Variants in MLPH observed in about 807,000 individuals in gnomAD.
MLPH encodes melanophilin, also known as exophilin-3.
MLPH carries 51 observed loss-of-function variants against 72.1 expected under a neutral mutation model. The ratio of observed to expected loss-of-function variants is 0.71; its 90% CI spans 0.56 to 0.89. MLPH has a LOEUF of 0.89. Ranked by LOEUF, MLPH falls within the 40% of genes least tolerant of loss-of-function variation. The probability of loss-of-function intolerance (pLI) is 0.00; values close to 1 mark genes in which losing one functional copy is unlikely to be tolerated. For missense variants in MLPH, 743 were observed against 759.9 expected, an observed-to-expected ratio of 0.98 and a Z score of 0.26; for synonymous variants, 301 against 310.1, an observed-to-expected ratio of 0.97 and a Z score of 0.31.
intron 9 of MLPH, among the ~76,000 whole-genome samples, chr2:237,535,990 A>T (rs1052781430): frequency 5.3e-5 from 8 of 152,248 alleles, no homozygotes; most frequent in Non-Finnish European, 1.2e-4. Context: ...CTCAGGCCAC[A>T]TAGCCACATT....
chr2:237,534,708 G>A (rs761130492), intron 9 of MLPH, 61 bp downstream of exon 9: 67 of 1,322,746 alleles, frequency 5.1e-5, no homozygotes, highest in Non-Finnish European at 7.2e-5. Context: ...AAAGGAGGCT[G>A]AAGTGTGACA....
Position 237,546,692 on chromosome 2 carries a change from T to C in MLPH, c.1617+9T>C. 7 of 1,612,596 alleles carry C rather than the reference T, an allele frequency of 4.3e-6. No homozygotes were observed. The highest frequency in any genetic ancestry group is 5.9e-6 in the Non-Finnish European group (7 of 1,178,630). Reference sequence around the variant, plus strand: ...CTTCAAGTGAGGCCAAGGTATGTGTTACTCCATTCAAGCCCCAGACACCCG... The same window carrying C: ...CTTCAAGTGAGGCCAAGGTATGTGTCACTCCATTCAAGCCCCAGACACCCG... On this transcript the variant is annotated intron_variant, in intron 13 of 15. Transcript: ENST00000264605.
chr2:237,519,305 G>C (rs187119214), intron 5 of MLPH, among the ~76,000 whole-genome samples: 17 of 152,152 alleles, frequency 1.1e-4, no homozygotes, highest in Admixed American at 4.6e-4. Flanking sequence ...AACTCTTTGC[G>C]GCTGCTGTGA....
At chr2:237,497,125 A>C (rs181554326) in intron 2 of MLPH, among the ~76,000 whole-genome samples, 1 of 152,340 alleles carries the variant, frequency 6.6e-6, no homozygotes, top group African/African-American at 2.4e-5. Flanking sequence ...TCGCAAGCAC[A>C]GTTCACAACA....
At chr2:237,525,944 C>A (rs1242657919) in intron 7 of MLPH, 139 bp downstream of exon 7, 1 of 865,784 alleles carries the variant, frequency 1.2e-6, no homozygotes, top group Non-Finnish European at 1.8e-6. Flanking sequence ...TTGTCCGGGA[C>A]GTGCAGTCCC....
intron 4 of MLPH, among the ~76,000 whole-genome samples, chr2:237,513,832 T>C (rs564833011): frequency 6.6e-6 from 1 of 152,310 alleles, no homozygotes; most frequent in South Asian, 2.1e-4. Flanking sequence ...AGGCACTCAC[T>C]GTCCAGAGAG....
rs139706602 is a variant in MLPH, at chr2:237,524,302, A to AATATATATATATATATATATATAT, written c.676-1280_676-1279insTATATATATATATATATATATATA. 2.7e-3 allele frequency among the ~76,000 whole-genome samples: 346 copies of AATATATATATATATATATATATAT among 127,154 alleles called. 12 individuals are homozygous for AATATATATATATATATATATATAT. Among genetic ancestry groups the AATATATATATATATATATATATAT allele is most frequent in the African/African-American group, 0.012 (299 of 24,156 alleles). 83.4% of individuals were successfully genotyped at this position (127,154 alleles called of 152,430 possible). A position where few individuals can be genotyped will look rare whatever the true frequency, so the allele number is the denominator to read the frequency against. ...TTTCTTAGAGGGACAGAACTAATAG[A>AATATATATATATATATATATATAT]ATATATATATATATATATAAAGGGG... On this transcript the variant is annotated intron_variant, in intron 6 of 15. Coordinates refer to ENST00000264605, the MANE Select transcript of MLPH (RefSeq NM_024101.7).
intron 4 of MLPH, among the ~76,000 whole-genome samples, chr2:237,514,291 T>C (rs2079968577): frequency 1.3e-5 from 2 of 151,918 alleles, no homozygotes; most frequent in South Asian, 4.2e-4. Context: ...TAGAGATGGG[T>C]TCTCACTATG....
At chr2:237,488,525 C>G (rs1056476442) in intron 1 of MLPH, among the ~76,000 whole-genome samples, 1 of 152,192 alleles carries the variant, frequency 6.6e-6, no homozygotes, top group East Asian at 1.9e-4. Context: ...GGCCCAGCCC[C>G]CTCCCTGCCC....
intron 13 of MLPH, among the ~76,000 whole-genome samples, chr2:237,546,997 T>C (rs11885689): frequency 0.022 from 3,287 of 152,310 alleles, 121 homozygotes; most frequent in African/African-American, 0.074. Flanking sequence ...ACAGGCTGAC[T>C]GTGGCTCAGT....
chr2:237,545,877 C>T (rs72988146), intron 12 of MLPH: 26,637 of 194,650 alleles, frequency 0.14, 2,590 homozygotes, highest in African/African-American at 0.3. Flanking sequence ...AATTAGCTGT[C>T]GATCTTGTGA....
rs543885110 is a variant in MLPH at position 237,524,051 on chromosome 2, G to A, written c.676-1550G>A. On this transcript the variant is annotated intron_variant, in intron 6 of 15. Coordinates refer to ENST00000264605, the MANE Select transcript of MLPH (RefSeq NM_024101.7). ...GATCTCTAAGTCGAACAGGAGGAAC[G>A]TGATGGCTACTAGGTAGAATTTTAT... Among the ~76,000 whole-genome samples, 14 of 152,194 alleles carry A rather than the reference G, an allele frequency of 9.2e-5. No homozygotes were observed. In the South Asian group the frequency reaches 1.7e-3, roughly 18 times the overall value.
At chr2:237,540,696 G>C in intron 10 of MLPH, 106 bp from the exon 11 acceptor site, 1 of 1,535,162 alleles carries the variant, frequency 6.5e-7, no homozygotes, top group Non-Finnish European at 8.8e-7. Flanking sequence ...TGACCAACCA[G>C]CTCCCAGGGT....
At chr2:237,546,433 C>T (rs1574912950) in intron 12 of MLPH, 173 bp from the exon 13 acceptor site, 3 of 659,748 alleles carry the variant, frequency 4.5e-6, no homozygotes, top group South Asian at 3.4e-5. Context: ...CACACTTTGG[C>T]GCCCTAGTCC....
At chr2:237,538,224 C>T (rs2080581018) in intron 9 of MLPH, among the ~76,000 whole-genome samples, 1 of 152,206 alleles carries the variant, frequency 6.6e-6, no homozygotes, top group Admixed American at 6.5e-5. Flanking sequence ...ACCAAGCTTT[C>T]CCCCAGGAGG....
chr2:237,506,271 C>T (rs1014945154), intron 2 of MLPH, among the ~76,000 whole-genome samples: 1 of 152,136 alleles, frequency 6.6e-6, no homozygotes, highest in African/African-American at 2.4e-5. Context: ...AATATAAATA[C>T]AGTTTTTATA....
chr2:237,490,559 G>A (rs868537565), intron 1 of MLPH, among the ~76,000 whole-genome samples: 7 of 152,144 alleles, frequency 4.6e-5, no homozygotes, highest in African/African-American at 1.2e-4. Flanking sequence ...CTCAAACTGA[G>A]GCCTGGAATT....
intron 15 of MLPH, chr2:237,553,196 C>T (rs1299022346): frequency 4.1e-6 from 2 of 487,086 alleles, no homozygotes; most frequent in South Asian, 3.1e-5. Flanking sequence ...TGGCCGATGA[C>T]CAGTCTGGTT....
intron 6 of MLPH, 145 bp downstream of exon 6, chr2:237,520,174 G>A (rs1261121077): frequency 9.4e-7 from 1 of 1,058,374 alleles, no homozygotes; most frequent in Non-Finnish European, 1.4e-6. Flanking sequence ...ACAGGGAAGG[G>A]GACCGATGTG....
Sources: allele counts gnomAD v4.1 joint callset (sites outside exome capture counted in the v4.1 genomes callset), GRCh38; gene constraint gnomAD v4.1.1; transcripts MANE v1.5; gene names NCBI Gene and HGNC (gene_info 2026-07-23, HGNC 2026-07-21).